Variants in ADAM9 observed in about 807,000 individuals in gnomAD.
The protein encoded by ADAM9 is disintegrin and metalloproteinase domain-containing protein 9.
In ADAM9, 54 loss-of-function variants were observed where a neutral mutation model predicts 108.1. The ratio of observed to expected loss-of-function variants is 0.50; its 90% confidence interval spans 0.40 to 0.63. The LOEUF is 0.63. ADAM9 is among the 20% of genes least tolerant of loss of function. The pLI is 0.00. For synonymous variants in ADAM9, 316 were observed against 336.0 expected (o/e 0.94, Z 0.65); for missense variants, 830 against 997.7 (o/e 0.83, Z 2.26).
intron 2 of ADAM9, among the ~76,000 whole-genome samples, chr8:39,009,189 C>T (rs1227301649): frequency 6.6e-6 from 1 of 152,176 alleles, no homozygotes; most frequent in Non-Finnish European, 1.5e-5. Flanking sequence ...TCTAAGATCT[C>T]CTCTGTAGAT....
chr8:39,055,416 T>A (rs1838087931), intron 13 of ADAM9, among the ~76,000 whole-genome samples, 161 bp from the exon 14 acceptor site: 1 of 152,230 alleles, frequency 6.6e-6, no homozygotes, highest in Non-Finnish European at 1.5e-5. Flanking sequence ...AGGACTTACA[T>A]GAATTACCTG....
intron 14 of ADAM9, among the ~76,000 whole-genome samples, chr8:39,058,112 A>G (rs558369560): frequency 6.6e-6 from 1 of 152,308 alleles, no homozygotes; most frequent in South Asian, 2.1e-4. Context: ...TTGATATCCC[A>G]TAACTTAAAT....
intron 14 of ADAM9, among the ~76,000 whole-genome samples, chr8:39,056,340 T>G (rs1192898037): frequency 6.6e-6 from 1 of 151,558 alleles, no homozygotes; most frequent in Non-Finnish European, 1.5e-5. Context: ...TTGAGGCAGT[T>G]TTACCTTTTT....
chr8:39,045,343 C>G lies in ADAM9; in HGVS notation c.1302+3226C>G, dbSNP rs1294202061. ...CTATACATGTGTGTGTACACCTATA[C>G]ATGTGTGTACATACATATAGGTGTG... On this transcript the variant is annotated intron_variant, in intron 12 of 21. Transcript: ENST00000487273. Among the ~76,000 whole-genome samples the G allele has an allele frequency of 2.7e-3, 324 of 118,914 alleles. 50 individuals carry two copies. Among genetic ancestry groups the G allele is most frequent in the African/African-American group, 6.9e-3 (207 of 29,888 alleles). 78.0% of individuals were successfully genotyped at this position (118,914 alleles called of 152,430 possible).
At chr8:39,014,139 A>T in intron 4 of ADAM9, 96 bp downstream of exon 4, 1 of 970,610 alleles carries the variant, frequency 1.0e-6, no homozygotes, top group Non-Finnish European at 1.7e-6. Context: ...TACATTGCAC[A>T]GCCCCACAGG....
Position 39,090,143 on chromosome 8 carries a change from A to C in ADAM9, c.2165A>C (p.Gln722Pro). 1 of 1,613,988 alleles carries C rather than the reference A, an allele frequency of 6.2e-7. No individual in the cohort carries two copies. The highest frequency in any genetic ancestry group is 8.5e-7 in the Non-Finnish European group (1 of 1,179,952). Reference protein sequence around the residue: ...CAIFIFIKRDQLWRSYFRKKR... With the variant: ...CAIFIFIKRDPLWRSYFRKKR... ...ATTTTTATCTTCATCAAGAGGGATC[A>C]ACTGTGGAGAAGCTACTTCAGAAAG... Residue 722 changes from glutamine to proline, a missense_variant, in exon 19 of 22, where the codon CAA (glutamine) becomes CCA (proline). Gln to Pro is a moderately conservative substitution (Grantham distance 76). Coordinates refer to ENST00000487273, the MANE Select transcript of ADAM9 (RefSeq NM_003816.3).
chr8:39,045,081 TGC>T (rs1837609649), intron 12 of ADAM9, among the ~76,000 whole-genome samples: 2 of 30,442 alleles, frequency 6.6e-5, no homozygotes, highest in East Asian at 3.3e-3. Flanking sequence ...TATGTGTGTG[TGC>T]ATACATACAT....
In ADAM9 at chr8:39,090,061, T is replaced by C. The variant is rs777884487; in HGVS notation, c.2083T>C (p.Leu695=). 2 of 1,613,952 alleles carry C rather than the reference T, an allele frequency of 1.2e-6. No homozygotes were observed. Among genetic ancestry groups the C allele is most frequent in the South Asian group, 2.2e-5 (2 of 91,078 alleles). ...GPTYNEMNTA[L]RDGLLVFFFL... is the part of the protein sequence containing the mutation. ...CTTCTCTCTAGAAATGAATACTGCATTGAGGGACGGACTTCTGGTCTTCTT... is the reference window on the plus strand; with the variant it reads ...CTTCTCTCTAGAAATGAATACTGCACTGAGGGACGGACTTCTGGTCTTCTT... The change falls in exon 19 of 22, where the codon TTG becomes CTG. Residue 695 remains leucine (L), a synonymous_variant. Transcript: ENST00000487273.
intron 14 of ADAM9, among the ~76,000 whole-genome samples, chr8:39,056,504 T>C (rs1479902849): frequency 1.3e-5 from 2 of 152,158 alleles, no homozygotes; most frequent in Non-Finnish European, 2.9e-5. Flanking sequence ...CCTTAACAAC[T>C]CCCATCATAC....
chr8:39,090,022 G>C (rs1322895600), intron 18 of ADAM9, 25 bp from the exon 19 acceptor site: 1 of 1,612,712 alleles, frequency 6.2e-7, no homozygotes, highest in Non-Finnish European at 8.5e-7. Context: ...TTTGGTGACT[G>C]TTGATGTAAA....
At chr8:39,043,532 T>C (rs541565222) in intron 12 of ADAM9, among the ~76,000 whole-genome samples, 35 of 152,304 alleles carry the variant, frequency 2.3e-4, no homozygotes, top group Non-Finnish European at 4.4e-4. Flanking sequence ...ATGAGTGACA[T>C]TGAGCATCTT....
intron 12 of ADAM9, among the ~76,000 whole-genome samples, chr8:39,046,605 T>C (rs1367322426): frequency 6.6e-6 from 1 of 152,156 alleles, no homozygotes; most frequent in Non-Finnish European, 1.5e-5. Flanking sequence ...ATTTCATATA[T>C]GGCCTAATTA....
chr8:39,044,952 GTA>G (rs1341412110), intron 12 of ADAM9, among the ~76,000 whole-genome samples: 3,828 of 147,726 alleles, frequency 0.026, 111 homozygotes, highest in Non-Finnish European at 0.042. Context: ...CTATGTATGT[GTA>G]TATGTGTGTG....
intron 20 of ADAM9, among the ~76,000 whole-genome samples, chr8:39,100,503 A>AG (rs1214916050): frequency 1.3e-5 from 2 of 152,026 alleles, no homozygotes; most frequent in Non-Finnish European, 2.9e-5. Context: ...AAAAAAAAAA[A>AG]AAAAAGATTC....
rs1491365446 is a variant in ADAM9, at chr8:39,045,354, A to ACACACCTATACGTGTGTG, written c.1302+3237_1302+3238insCACACCTATACGTGTGTG. ...TGTGTACACCTATACATGTGTGTAC[A>ACACACCTATACGTGTGTG]TACATATAGGTGTGTGTACATACAC... On this transcript the variant is annotated intron_variant, in intron 12 of 21. Transcript: ENST00000487273. 1.1e-4 allele frequency among the ~76,000 whole-genome samples: 14 copies of ACACACCTATACGTGTGTG among 127,318 alleles called. 4 individuals carry two copies. The highest frequency in any genetic ancestry group is 3.6e-4 in the African/African-American group (12 of 33,546). The allele number at this position is 127,318 out of a possible 152,430, so 83.5% of individuals were successfully genotyped here. A position where few individuals can be genotyped will look rare whatever the true frequency, so the allele number is the denominator to read the frequency against.
intron 1 of ADAM9, among the ~76,000 whole-genome samples, chr8:39,004,113 C>G (rs544706767): frequency 5.0e-4 from 76 of 152,012 alleles, no homozygotes; most frequent in Non-Finnish European, 8.7e-4. Flanking sequence ...ATTTCTTTTT[C>G]TCTGTTATGT....
At chr8:39,008,611 T>C (rs1307280366) in intron 2 of ADAM9, among the ~76,000 whole-genome samples, 1 of 152,196 alleles carries the variant, frequency 6.6e-6, no homozygotes, top group Non-Finnish European at 1.5e-5. Context: ...AGTGATTTTA[T>C]TATAATAAGA....
At chr8:39,081,179 C>T (rs1839013728) in intron 16 of ADAM9, among the ~76,000 whole-genome samples, 1 of 151,762 alleles carries the variant, frequency 6.6e-6, no homozygotes, top group Non-Finnish European at 1.5e-5. Flanking sequence ...GAACTCCTGG[C>T]CTCAAGTGAT....
At chr8:39,044,916 ATG>A (rs1193171837) in intron 12 of ADAM9, among the ~76,000 whole-genome samples, 1 of 150,608 alleles carries the variant, frequency 6.6e-6, no homozygotes, top group African/African-American at 2.5e-5. Context: ...ATACATATGT[ATG>A]TATATATGTG....
Sources: allele counts gnomAD v4.1 joint callset (sites outside exome capture counted in the v4.1 genomes callset), GRCh38; gene constraint gnomAD v4.1.1; transcripts MANE v1.5; gene names NCBI Gene and HGNC (gene_info 2026-07-23, HGNC 2026-07-21).